LSAMP: variants seen among roughly 807,000 people sequenced by gnomAD.
LSAMP encodes limbic system associated membrane protein, also known as limbic system-associated membrane protein.
Under a neutral mutation model 38.6 loss-of-function variants are expected in LSAMP, and 7 were observed. That is an observed-to-expected ratio of 0.18 (90% CI 0.10 to 0.34). The LOEUF is 0.34. Among genes scored for constraint, LSAMP ranks in the 10% least tolerant of loss-of-function variants. The probability of loss-of-function intolerance (pLI) is 1.00; values close to 1 mark genes in which losing one functional copy is unlikely to be tolerated. For missense variants in LSAMP, 313 were observed against 420.0 expected (o/e 0.75, Z 2.23); for synonymous variants, 154 against 166.8 (o/e 0.92, Z 0.59).
At chr3:116,377,927 G>C (rs572113663) in intron 1 of LSAMP, among the ~76,000 whole-genome samples, 1 of 152,010 alleles carries the variant, frequency 6.6e-6, no homozygotes, top group Non-Finnish European at 1.5e-5. Flanking sequence ...CAGGATCTCA[G>C]TTTAGCATAC....
At chr3:116,441,437 G>A (rs2049433440) in intron 1 of LSAMP, among the ~76,000 whole-genome samples, 1 of 152,106 alleles carries the variant, frequency 6.6e-6, no homozygotes, top group Non-Finnish European at 1.5e-5. Flanking sequence ...GTTCTTTGTG[G>A]CCAAATATTT....
chr3:116,270,713 T>A (rs1576472554), intron 1 of LSAMP, among the ~76,000 whole-genome samples: 1 of 152,130 alleles, frequency 6.6e-6, no homozygotes, highest in South Asian at 2.1e-4. Flanking sequence ...GCTGTAACTT[T>A]TCTAAGGGCT....
intron 3 of LSAMP, among the ~76,000 whole-genome samples, chr3:116,017,610 TAC>T (rs1288173738): frequency 6.6e-6 from 1 of 152,114 alleles, no homozygotes; most frequent in Non-Finnish European, 1.5e-5. Flanking sequence ...TATATATTTT[TAC>T]AGATGGTCCA....
intron 1 of LSAMP, among the ~76,000 whole-genome samples, chr3:116,317,675 T>A (rs2047650958): frequency 6.6e-6 from 1 of 151,108 alleles, no homozygotes; most frequent in Admixed American, 6.6e-5. Flanking sequence ...CCCAATCTCA[T>A]CTGCATGATG....
At chr3:116,105,927 G>A (rs207463572) in intron 1 of LSAMP, among the ~76,000 whole-genome samples, 49 of 152,198 alleles carry the variant, frequency 3.2e-4, no homozygotes, top group African/African-American at 1.1e-3. Flanking sequence ...GATTAGGGGC[G>A]GCGTGGGAAC....
At position 115,842,490 on chromosome 3, in the gene LSAMP, T is replaced by G. The variant is rs1170981504; in HGVS notation, c.738A>C (p.Ala246=). 1 of 1,613,802 alleles carries G rather than the reference T, an allele frequency of 6.2e-7. No individual in the cohort carries two copies. Reference sequence around the variant, plus strand: ...CATCCCGGTACCACTCAAAGTCAGGTGCAGGCACTGCCGAGGCCTCACATT... The same window carrying G: ...CATCCCGGTACCACTCAAAGTCAGGGGCAGGCACTGCCGAGGCCTCACATT... ...SLKCEASAVP[A]PDFEWYRDDT... The change falls in exon 5 of 7, where the codon GCA becomes GCC. Residue 246 remains alanine (A), a synonymous_variant. Transcript: ENST00000490035.
intron 1 of LSAMP, among the ~76,000 whole-genome samples, chr3:116,348,702 C>T (rs929171969): frequency 1.3e-5 from 2 of 152,080 alleles, no homozygotes; most frequent in Admixed American, 1.3e-4. Flanking sequence ...CTAGAAGCTG[C>T]ATTCAAAACA....
intron 3 of LSAMP, among the ~76,000 whole-genome samples, chr3:115,859,325 G>A (rs77636528): frequency 0.012 from 1,792 of 152,112 alleles, 13 homozygotes; most frequent in Non-Finnish European, 0.017. Flanking sequence ...GGAGACACAG[G>A]GAAGAACAAG....
intron 1 of LSAMP, among the ~76,000 whole-genome samples, chr3:116,258,906 G>C (rs2046790399): frequency 6.6e-6 from 1 of 152,070 alleles, no homozygotes; most frequent in Admixed American, 6.5e-5. Context: ...TGTAACACTT[G>C]AAAACTATTG....
At chr3:116,060,801 C>G (rs1941580850) in intron 2 of LSAMP, among the ~76,000 whole-genome samples, 1 of 151,774 alleles carries the variant, frequency 6.6e-6, no homozygotes, top group South Asian at 2.1e-4. Context: ...AGAACAAAAA[C>G]CCACAAAAAC....
chr3:115,822,666 T>C (rs906149892), intron 6 of LSAMP, among the ~76,000 whole-genome samples: 1 of 152,110 alleles, frequency 6.6e-6, no homozygotes, highest in African/African-American at 2.4e-5. Flanking sequence ...GGCCTTCCTA[T>C]TTTCTTAGTT....
At chr3:116,172,163 G>A (rs980124711) in intron 1 of LSAMP, among the ~76,000 whole-genome samples, 46 of 151,966 alleles carry the variant, frequency 3.0e-4, no homozygotes, top group Admixed American at 8.5e-4. Flanking sequence ...GTCAGGTACT[G>A]AGTAAGTGTC....
At chr3:116,198,033 T>C (rs1226212652) in intron 1 of LSAMP, among the ~76,000 whole-genome samples, 2 of 152,134 alleles carry the variant, frequency 1.3e-5, no homozygotes, top group South Asian at 2.1e-4. Context: ...ATATATCTTA[T>C]TCAGGAAAGC....
chr3:116,395,664 T>A (rs2048758122), intron 1 of LSAMP, among the ~76,000 whole-genome samples: 1 of 152,168 alleles, frequency 6.6e-6, no homozygotes, highest in Non-Finnish European at 1.5e-5. Context: ...TTGTACAGTC[T>A]GCTTGGAAAA....
intron 3 of LSAMP, among the ~76,000 whole-genome samples, chr3:115,993,346 C>T (rs981272962): frequency 2.6e-5 from 4 of 152,074 alleles, no homozygotes; most frequent in African/African-American, 9.7e-5. Flanking sequence ...ATTTCTACTG[C>T]TGTATTGCCT....
chr3:116,425,599 G>A (rs1310902284), intron 1 of LSAMP, among the ~76,000 whole-genome samples: 1 of 152,088 alleles, frequency 6.6e-6, no homozygotes, highest in Non-Finnish European at 1.5e-5. Context: ...TGATTGAAAT[G>A]TTACTCAGAC....
At chr3:115,884,376 G>A (rs1424713455) in intron 3 of LSAMP, among the ~76,000 whole-genome samples, 1 of 152,000 alleles carries the variant, frequency 6.6e-6, no homozygotes, top group African/African-American at 2.4e-5. Flanking sequence ...CTTTAAGATG[G>A]ACAGAATTCT....
chr3:116,019,688 A>T (rs2107687684), intron 2 of LSAMP, 48 bp from the exon 3 acceptor site: 1 of 1,594,332 alleles, frequency 6.3e-7, no homozygotes, highest in Middle Eastern at 1.7e-4. Context: ...CAGTAAGATT[A>T]GGCTTGTAGC....
chr3:116,026,895 T>C (rs1215456974), intron 2 of LSAMP, among the ~76,000 whole-genome samples: 2 of 152,166 alleles, frequency 1.3e-5, no homozygotes, highest in East Asian at 3.8e-4. Flanking sequence ...TTGAATTCAC[T>C]TGTGCTTATG....
Sources: allele counts gnomAD v4.1 joint callset (sites outside exome capture counted in the v4.1 genomes callset), GRCh38; gene constraint gnomAD v4.1.1; transcripts MANE v1.5; gene names NCBI Gene and HGNC (gene_info 2026-07-23, HGNC 2026-07-21).